STAG1: variants seen among roughly 807,000 people sequenced by gnomAD.
STAG1 encodes STAG1 cohesin complex component.
A neutral mutation model predicts 170.9 loss-of-function variants in STAG1; 26 were observed. The observed-to-expected ratio is 0.15, with a 90% confidence interval of 0.11 to 0.21. STAG1 has a LOEUF of 0.21. Among genes scored for constraint, STAG1 ranks in the 10% least tolerant of loss-of-function variants. The probability of loss-of-function intolerance (pLI) is 1.00; values close to 1 mark genes in which losing one functional copy is unlikely to be tolerated. For missense variants in STAG1, 964 were observed against 1,509.5 expected (o/e 0.64, Z 5.99); for synonymous variants, 514 against 497.7 (o/e 1.03, Z -0.44).
intron 14 of STAG1, among the ~76,000 whole-genome samples, chr3:136,443,705 G>T (rs1212199910): frequency 6.6e-6 from 1 of 152,124 alleles, no homozygotes; most frequent in African/African-American, 2.4e-5. Context: ...TTATATGCTG[G>T]ATCTAGGTCA....
chr3:136,729,881 T>C, intron 1 of STAG1, among the ~76,000 whole-genome samples: 2 of 21,390 alleles, frequency 9.4e-5, no homozygotes, highest in East Asian at 6.6e-4. Flanking sequence ...GCCAGGCTTT[T>C]TTTTTTTTTT....
chr3:136,578,311 C>G (rs991466423), intron 4 of STAG1, among the ~76,000 whole-genome samples: 1 of 152,190 alleles, frequency 6.6e-6, no homozygotes, highest in African/African-American at 2.4e-5. Context: ...GTATTCACAA[C>G]GTCTTGGCCT....
intron 1 of STAG1, among the ~76,000 whole-genome samples, chr3:136,652,220 G>A (rs964071826): frequency 6.6e-6 from 1 of 152,194 alleles, no homozygotes; most frequent in Non-Finnish European, 1.5e-5. Flanking sequence ...ATTCTGAGAG[G>A]AGGAAAAATT....
intron 12 of STAG1, among the ~76,000 whole-genome samples, chr3:136,470,033 T>C (rs2089583054): frequency 6.6e-6 from 1 of 152,144 alleles, no homozygotes; most frequent in Non-Finnish European, 1.5e-5. Flanking sequence ...ATAAAAACCC[T>C]AGAAGAAAAC....
chr3:136,479,060 C>CTTTTTTTTTTTTTTTTATTTTTT (rs2089845360), intron 9 of STAG1, among the ~76,000 whole-genome samples: 1 of 125,176 alleles, frequency 8.0e-6, no homozygotes, highest in African/African-American at 3.7e-5. Flanking sequence ...TATAATCTTT[C>CTTTTTTTTTTTTTTTTATTTTTT]TTTTTTTTTT....
intron 6 of STAG1, among the ~76,000 whole-genome samples, chr3:136,527,375 T>A (rs1488493677): frequency 6.6e-6 from 1 of 152,234 alleles, no homozygotes; most frequent in African/African-American, 2.4e-5. Flanking sequence ...TTTCTTCCAG[T>A]TGATCGAATC....
intron 4 of STAG1, among the ~76,000 whole-genome samples, chr3:136,590,671 T>C (rs970572889): frequency 6.6e-6 from 1 of 152,140 alleles, no homozygotes; most frequent in Non-Finnish European, 1.5e-5. Context: ...ATGTACAAGA[T>C]GATGAGCTGT....
chr3:136,394,398 G>A (rs999138935), intron 22 of STAG1, among the ~76,000 whole-genome samples: 4 of 152,160 alleles, frequency 2.6e-5, no homozygotes, highest in Non-Finnish European at 5.9e-5. Flanking sequence ...ACCTAAGTAA[G>A]AAAAATTCCA....
At chr3:136,666,099 A>C (rs1260343656) in intron 1 of STAG1, among the ~76,000 whole-genome samples, 1 of 147,888 alleles carries the variant, frequency 6.8e-6, no homozygotes. Context: ...AAAAAAAAAA[A>C]AAAAAAAAAA....
chr3:136,565,793 G>A (rs894610898), intron 5 of STAG1, among the ~76,000 whole-genome samples: 4 of 152,194 alleles, frequency 2.6e-5, no homozygotes, highest in African/African-American at 9.6e-5. Context: ...TCCTTCAACA[G>A]ATGAATGGAT....
intron 16 of STAG1, among the ~76,000 whole-genome samples, chr3:136,429,204 C>T (rs1459074995): frequency 1.3e-5 from 2 of 152,024 alleles, no homozygotes; most frequent in East Asian, 1.9e-4. Flanking sequence ...GTCAGGAGTT[C>T]GAGACCAGCC....
At chr3:136,484,629 T>C (rs1227653266) in intron 9 of STAG1, among the ~76,000 whole-genome samples, 5 of 149,928 alleles carry the variant, frequency 3.3e-5, no homozygotes, top group Admixed American at 2.0e-4. Context: ...CCTGGCTGCT[T>C]TGTTTACCTA....
intron 26 of STAG1, among the ~76,000 whole-genome samples, chr3:136,360,121 C>T (rs1349792416): frequency 1.3e-5 from 2 of 152,116 alleles, no homozygotes; most frequent in Non-Finnish European, 2.9e-5. Context: ...AAAAACAGAA[C>T]CCTGGAGGTA....
chr3:136,751,199 T>C (rs1379168009), intron 1 of STAG1, among the ~76,000 whole-genome samples: 2 of 151,194 alleles, frequency 1.3e-5, no homozygotes, highest in Non-Finnish European at 2.9e-5. Flanking sequence ...TTTTTTTGTC[T>C]GTAAGTGTCC....
At chr3:136,631,210 C>T (rs112264161) in intron 1 of STAG1, among the ~76,000 whole-genome samples, 102 of 152,310 alleles carry the variant, frequency 6.7e-4, no homozygotes, top group African/African-American at 2.4e-3. Context: ...TACGCACATC[C>T]TCACAGTGAA....
chr3:136,676,799 TTTA>T (rs1227010056), intron 1 of STAG1, among the ~76,000 whole-genome samples: 2 of 152,110 alleles, frequency 1.3e-5, no homozygotes, highest in African/African-American at 4.8e-5. Flanking sequence ...TTTTTGTGAT[TTTA>T]TTTCTTAGAC....
At chr3:136,453,975 T>C (rs1559810826) in intron 13 of STAG1, among the ~76,000 whole-genome samples, 2 of 152,136 alleles carry the variant, frequency 1.3e-5, no homozygotes, top group Non-Finnish European at 2.9e-5. Flanking sequence ...AGAACTTATC[T>C]TGAAGCTATA....
At position 136,338,190 on chromosome 3, in the gene STAG1, T is replaced by A; in HGVS notation, c.*64A>T. 1 of 1,103,276 alleles carries A rather than the reference T, an allele frequency of 9.1e-7. No homozygotes were observed. Among genetic ancestry groups the A allele is most frequent in the Non-Finnish European group, 1.4e-6 (1 of 733,082 alleles). The allele number at this position is 1,103,276 out of a possible 1,614,324, so 68.3% of individuals were successfully genotyped here. ...AAAGTGTTTTTCCCCATACAAGCTA[T>A]CACAGTATATAGGCCTCTAGCTCTA... On this transcript the variant is annotated 3_prime_UTR_variant, in exon 34 of 34. Coordinates refer to ENST00000383202, the MANE Select transcript of STAG1 (RefSeq NM_005862.3).
At position 136,417,649 on chromosome 3, in the gene STAG1, C is replaced by T. The variant is rs544404196; in HGVS notation, c.2196+236G>A. ...TTTCTCCTAATAGAGAAAAGTCTAC[C>T]TTAACAGTAAAATTTTTAAGATATG... On this transcript the variant is annotated intron_variant, in intron 21 of 33. Coordinates refer to ENST00000383202, the MANE Select transcript of STAG1 (RefSeq NM_005862.3). The T allele has an allele frequency of 1.9e-4, 77 of 404,120 alleles. No individual in the cohort carries two copies. In the South Asian group the frequency reaches 2.9e-3, roughly 15 times the overall value. 25.0% of individuals were successfully genotyped at this position (404,120 alleles called of 1,614,324 possible).
Sources: allele counts gnomAD v4.1 joint callset (sites outside exome capture counted in the v4.1 genomes callset), GRCh38; gene constraint gnomAD v4.1.1; transcripts MANE v1.5; gene names NCBI Gene and HGNC (gene_info 2026-07-23, HGNC 2026-07-21).